The following THSD7B variants were observed in gnomAD, a reference collection of about 807,000 sequenced individuals.
THSD7B encodes thrombospondin type 1 domain containing 7B, also known as thrombospondin type-1 domain-containing protein 7B.
Under a neutral mutation model 213.6 loss-of-function variants are expected in THSD7B, and 138 were observed. The observed-to-expected ratio is 0.65, with a 90% confidence interval of 0.56 to 0.74. The LOEUF is 0.74. Among genes scored for constraint, THSD7B ranks in the 30% least tolerant of loss-of-function variants. The pLI, the probability that THSD7B is intolerant of heterozygous loss-of-function variation, is 0.00. For missense variants in THSD7B, 1,931 were observed against 1,991.5 expected (o/e 0.97, Z 0.58); for synonymous variants, 742 against 687.0 (o/e 1.08, Z -1.25).
At chr2:136,996,004 A>C (rs114279719) in intron 2 of THSD7B, among the ~76,000 whole-genome samples, 1,965 of 152,338 alleles carry the variant, frequency 0.013, 23 homozygotes, top group Non-Finnish European at 0.019. Flanking sequence ...GTTTTGAGGA[A>C]TCATCTTTAC....
At chr2:137,446,292 A>G (rs1687537107) in intron 14 of THSD7B, among the ~76,000 whole-genome samples, 2 of 152,028 alleles carry the variant, frequency 1.3e-5, no homozygotes, top group African/African-American at 4.8e-5. Context: ...ATATTCTGGG[A>G]GAGGTTGTAT....
At chr2:137,436,228 A>G (rs1007327097) in intron 14 of THSD7B, among the ~76,000 whole-genome samples, 4 of 152,106 alleles carry the variant, frequency 2.6e-5, no homozygotes, top group African/African-American at 9.7e-5. Context: ...TTTCTGATAG[A>G]TAATGGTAAC....
chr2:137,206,460 G>A (rs1219908832), intron 7 of THSD7B, among the ~76,000 whole-genome samples: 7 of 152,056 alleles, frequency 4.6e-5, no homozygotes, highest in South Asian at 4.1e-4. Flanking sequence ...CCCTGACTGC[G>A]TATTAGTTAC....
intron 15 of THSD7B, among the ~76,000 whole-genome samples, chr2:137,504,213 T>C (rs923665939): frequency 6.6e-6 from 1 of 152,138 alleles, no homozygotes; most frequent in African/African-American, 2.4e-5. Context: ...GTTTACAATA[T>C]GTATTTTTAG....
chr2:137,189,650 G>A (rs71419530), intron 7 of THSD7B, among the ~76,000 whole-genome samples: 1 of 151,602 alleles, frequency 6.6e-6, no homozygotes, highest in Non-Finnish European at 1.5e-5. Flanking sequence ...CTTCGTACCC[G>A]TCTCTACTTG....
At chr2:137,341,402 C>G (rs1404591832) in intron 12 of THSD7B, among the ~76,000 whole-genome samples, 1 of 151,566 alleles carries the variant, frequency 6.6e-6, no homozygotes, top group Non-Finnish European at 1.5e-5. Context: ...TCTGCACACT[C>G]TTAATTGTTT....
chr2:137,113,924 A>G (rs933160914), intron 4 of THSD7B, among the ~76,000 whole-genome samples: 5 of 152,160 alleles, frequency 3.3e-5, no homozygotes, highest in Admixed American at 2.6e-4. Flanking sequence ...TCCTTTTTCT[A>G]TGGTGGGCTT....
At chr2:136,944,699 A>T (rs188929278) in intron 2 of THSD7B, among the ~76,000 whole-genome samples, 7 of 140,270 alleles carry the variant, frequency 5.0e-5, no homozygotes, top group Middle Eastern at 3.7e-3. Flanking sequence ...ATAAACTAGG[A>T]TTGCAACCCC....
rs1179433113 is a variant in THSD7B, at chr2:137,560,158, C to T, written c.3139-3063C>T. On this transcript the variant is annotated intron_variant, in intron 15 of 27. Coordinates refer to ENST00000409968, the MANE Select transcript of THSD7B (RefSeq NM_001316349.2). Reference sequence around the variant, plus strand: ...CATTATGGAAGACTGTGTGGCGATTCCTCAAGGATCTAGAACTAGAAATAC... The same window carrying T: ...CATTATGGAAGACTGTGTGGCGATTTCTCAAGGATCTAGAACTAGAAATAC... Among the ~76,000 whole-genome samples, 6 of 150,212 alleles carry T rather than the reference C, an allele frequency of 4.0e-5. No individual in the cohort carries two copies. In the East Asian group the frequency reaches 1.2e-3, roughly 29 times the overall value.
At chr2:137,077,503 T>C (rs1687655139) in intron 3 of THSD7B, among the ~76,000 whole-genome samples, 1 of 152,092 alleles carries the variant, frequency 6.6e-6, no homozygotes. Flanking sequence ...TCCTGACTTT[T>C]TAATGATCAC....
intron 12 of THSD7B, among the ~76,000 whole-genome samples, chr2:137,322,141 G>T (rs1451637581): frequency 1.3e-5 from 2 of 152,184 alleles, no homozygotes; most frequent in African/African-American, 4.8e-5. Context: ...AAAGTCATTT[G>T]CTCATTCTAA....
At chr2:136,997,784 G>A (rs935164493) in intron 2 of THSD7B, among the ~76,000 whole-genome samples, 8 of 152,150 alleles carry the variant, frequency 5.3e-5, no homozygotes, top group Admixed American at 2.0e-4. Flanking sequence ...TGTCATGGAA[G>A]TGATTCAGAG....
chr2:136,767,725 G>T (rs965856472), intron 1 of THSD7B, among the ~76,000 whole-genome samples: 1 of 152,106 alleles, frequency 6.6e-6, no homozygotes, highest in South Asian at 2.1e-4. Flanking sequence ...ACCATTCAGG[G>T]TTTTGGATAT....
At chr2:137,572,926 T>C (rs1168862931) in intron 17 of THSD7B, among the ~76,000 whole-genome samples, 3 of 152,142 alleles carry the variant, frequency 2.0e-5, no homozygotes, top group Non-Finnish European at 2.9e-5. Context: ...CAGAATCAAT[T>C]ACATCTTAGG....
intron 10 of THSD7B, among the ~76,000 whole-genome samples, chr2:137,266,886 GTCAGT>G (rs961194279): frequency 4.6e-5 from 7 of 152,162 alleles, no homozygotes; most frequent in African/African-American, 1.7e-4. Flanking sequence ...AACTTAGTAA[GTCAGT>G]TCTTTATTGT....
chr2:137,296,535 A>G, intron 12 of THSD7B, among the ~76,000 whole-genome samples: 1 of 152,136 alleles, frequency 6.6e-6, no homozygotes, highest in Admixed American at 6.5e-5. Context: ...AGAACAATGT[A>G]CTTACCATGG....
At chr2:137,343,773 A>G (rs1038007489) in intron 12 of THSD7B, among the ~76,000 whole-genome samples, 1 of 151,842 alleles carries the variant, frequency 6.6e-6, no homozygotes, top group African/African-American at 2.4e-5. Context: ...TAGGCTGAGA[A>G]CATGCTACAG....
intron 1 of THSD7B, among the ~76,000 whole-genome samples, chr2:136,779,871 G>T (rs1382372915): frequency 6.6e-6 from 1 of 152,182 alleles, no homozygotes; most frequent in African/African-American, 2.4e-5. Flanking sequence ...CTATGGAGGA[G>T]TTGAGGTCCA....
chr2:136,958,412 C>T (rs1217944412), intron 2 of THSD7B, among the ~76,000 whole-genome samples: 1 of 152,128 alleles, frequency 6.6e-6, no homozygotes, highest in Non-Finnish European at 1.5e-5. Context: ...TTAATTTGAA[C>T]TCATTGATTC....
Sources: allele counts gnomAD v4.1 joint callset (sites outside exome capture counted in the v4.1 genomes callset), GRCh38; gene constraint gnomAD v4.1.1; transcripts MANE v1.5; gene names NCBI Gene and HGNC (gene_info 2026-07-23, HGNC 2026-07-21).